ROCK1: variants seen among roughly 807,000 people sequenced by gnomAD.
ROCK1 encodes the protein rho-associated protein kinase 1.
A neutral mutation model predicts 196.8 loss-of-function variants in ROCK1; 36 were observed. The observed-to-expected ratio is 0.18, with a 90% CI of 0.14 to 0.24. The LOEUF (loss-of-function observed/expected upper bound fraction) is 0.24, where lower values mean the gene tolerates loss of function less well. Among genes scored for constraint, ROCK1 ranks in the 10% least tolerant of loss-of-function variants. The pLI is 1.00. For missense variants in ROCK1, 920 were observed against 1,562.0 expected (o/e 0.59, Z 6.93); for synonymous variants, 443 against 515.9 (o/e 0.86, Z 1.91).
rs2035414886 is a variant in ROCK1 at position 20,970,404 on chromosome 18, T to C, written c.2764A>G (p.Lys922Glu). 6.2e-7 allele frequency: 1 copy of C among 1,613,976 alleles called. No individual in the cohort carries two copies. Among genetic ancestry groups the C allele is most frequent in the African/African-American group, 1.3e-5 (1 of 75,050 alleles). Residue 922 changes from lysine (K) to glutamate (E), a missense_variant, in exon 23 of 33, where the codon AAA becomes GAA. Physicochemically the swap from Lys to Glu is moderately conservative, Grantham distance 56. This residue lies in a region of ROCK1 where 520 missense variants were observed against 657.1 expected (regional missense o/e 0.79). Transcript: ENST00000399799. The part of the protein sequence containing the change: ...QYFELTQESK[K>E]AASRNRQEIT... ...TCTTGTCTATTTCTTGAAGCAGCTT[T>C]CTTGCTTTCTTGCGTCAATTCAAAA...
chr18:21,105,702 TG>T (rs2036697542), intron 1 of ROCK1, among the ~76,000 whole-genome samples: 2 of 152,284 alleles, frequency 1.3e-5, no homozygotes, highest in Admixed American at 6.5e-5. Context: ...GGAGGAAGCT[TG>T]TTTTGGAATA....
At chr18:21,039,378 A>T in intron 9 of ROCK1, 94 bp downstream of exon 9, 1 of 819,096 alleles carries the variant, frequency 1.2e-6, no homozygotes, top group South Asian at 1.6e-5. Context: ...GATTTTCATC[A>T]GATACACACA....
At chr18:21,079,563 G>A (rs954301144) in intron 1 of ROCK1, among the ~76,000 whole-genome samples, 3 of 152,204 alleles carry the variant, frequency 2.0e-5, no homozygotes, top group Admixed American at 2.0e-4. Context: ...GGGTAAGAGT[G>A]AAGAGGGGAG....
chr18:21,014,323 G>C, intron 13 of ROCK1, among the ~76,000 whole-genome samples: 1 of 152,240 alleles, frequency 6.6e-6, no homozygotes, highest in Non-Finnish European at 1.5e-5. Context: ...TTCTCAGGAC[G>C]CAAGTAACCC....
chr18:21,071,133 G>C (rs2036380783), intron 1 of ROCK1, among the ~76,000 whole-genome samples: 1 of 150,658 alleles, frequency 6.6e-6, no homozygotes, highest in Non-Finnish European at 1.5e-5. Context: ...GCACTTTCTA[G>C]GGAAAGCTAG....
intron 4 of ROCK1, among the ~76,000 whole-genome samples, chr18:21,047,593 A>C (rs1187940498): frequency 3.3e-5 from 5 of 152,154 alleles, no homozygotes; most frequent in Admixed American, 3.3e-4. Flanking sequence ...GGAGATCGAG[A>C]CCATGCTGGC....
chr18:21,022,151 G>GC (rs951835556), intron 11 of ROCK1, among the ~76,000 whole-genome samples: 11 of 151,604 alleles, frequency 7.3e-5, no homozygotes, highest in African/African-American at 1.2e-4. Flanking sequence ...ATGTCTCTGT[G>GC]CCCCCCCACA....
At chr18:21,081,822 C>G (rs565680964) in intron 1 of ROCK1, among the ~76,000 whole-genome samples, 1 of 152,250 alleles carries the variant, frequency 6.6e-6, no homozygotes, top group Non-Finnish European at 1.5e-5. Context: ...AATGGAAAGT[C>G]AGAATACACC....
At chr18:20,970,208 T>G (rs944994849) in intron 23 of ROCK1, 140 bp downstream of exon 23, 3 of 565,392 alleles carry the variant, frequency 5.3e-6, no homozygotes, top group Non-Finnish European at 9.1e-6. Flanking sequence ...ACAAACTATT[T>G]TATACATGAG....
In ROCK1 at chr18:21,068,043, A is replaced by G. The variant is rs181315925; in HGVS notation, c.175+2489T>C. Among the ~76,000 whole-genome samples the G allele has an allele frequency of 1.2e-3, 189 of 152,310 alleles. 2 individuals are homozygous for G. The highest frequency in any genetic ancestry group is 4.6e-4 in the Non-Finnish European group (31 of 68,018). ...TGGCTTATCTTTTCATTTTCTGAAC[A>G]GTGTCTTCTGAAGAGAACTATTTTA... On this transcript the variant is annotated intron_variant, in intron 2 of 32. Coordinates refer to ENST00000399799, the MANE Select transcript of ROCK1 (RefSeq NM_005406.3).
chr18:21,009,580 T>C (rs914330866), intron 13 of ROCK1, among the ~76,000 whole-genome samples: 3 of 152,152 alleles, frequency 2.0e-5, no homozygotes, highest in African/African-American at 4.8e-5. Context: ...AAGAATACAA[T>C]TGCTAGGTCA....
At chr18:21,067,929 G>A (rs754639815) in intron 2 of ROCK1, among the ~76,000 whole-genome samples, 1 of 152,018 alleles carries the variant, frequency 6.6e-6, no homozygotes, top group Non-Finnish European at 1.5e-5. Context: ...ATTCCCTTGC[G>A]TACGGATATC....
At position 21,044,204 on chromosome 18, in the gene ROCK1, T is replaced by C. The variant is rs549416479; in HGVS notation, c.591-18A>G. On this transcript the variant is annotated intron_variant, in intron 5 of 32. Transcript: ENST00000399799. ...TCACATCTCTGCAGGAGGGAAAAAA[T>C]AGTACAGTATTTTCTGAAACAGATT... The C allele has an allele frequency of 9.5e-6, 15 of 1,571,084 alleles. No homozygotes were observed. Among genetic ancestry groups the C allele is most frequent in the Middle Eastern group, 3.4e-4 (2 of 5,958 alleles).
At chr18:21,028,558 A>G (rs1423845535) in intron 10 of ROCK1, among the ~76,000 whole-genome samples, 1 of 152,232 alleles carries the variant, frequency 6.6e-6, no homozygotes, top group African/African-American at 2.4e-5. Context: ...GATATATAGT[A>G]TATCATTTAG....
intron 1 of ROCK1, among the ~76,000 whole-genome samples, chr18:21,101,036 T>C (rs1262355170): frequency 3.3e-5 from 5 of 152,196 alleles, no homozygotes; most frequent in Non-Finnish European, 5.9e-5. Context: ...GGCATATCTA[T>C]CATAATAAGT....
chr18:21,079,175 T>A (rs1470966927), intron 1 of ROCK1, among the ~76,000 whole-genome samples: 4 of 152,150 alleles, frequency 2.6e-5, no homozygotes, highest in African/African-American at 9.7e-5. Context: ...ATCTGCTGAG[T>A]TATTGGGATC....
chr18:21,042,440 A>T, intron 7 of ROCK1, 125 bp downstream of exon 7: 1 of 1,168,786 alleles, frequency 8.6e-7, no homozygotes. Context: ...GCAGGTTTGG[A>T]TCATGTTTAT....
intron 29 of ROCK1, among the ~76,000 whole-genome samples, chr18:20,957,284 T>C (rs1267228644): frequency 6.6e-6 from 1 of 152,230 alleles, no homozygotes; most frequent in African/African-American, 2.4e-5. Context: ...ATAAACAAAT[T>C]CATGCAATGT....
At chr18:21,034,157 A>G (rs1297638591) in intron 9 of ROCK1, among the ~76,000 whole-genome samples, 1 of 152,170 alleles carries the variant, frequency 6.6e-6, no homozygotes, top group Non-Finnish European at 1.5e-5. Flanking sequence ...AGAAGGCTTA[A>G]ATAAATGGGG....
Sources: allele counts gnomAD v4.1 joint callset (sites outside exome capture counted in the v4.1 genomes callset), GRCh38; gene constraint gnomAD v4.1.1; regional missense constraint gnomAD v4.1.1; transcripts MANE v1.5; gene names NCBI Gene and HGNC (gene_info 2026-07-23, HGNC 2026-07-21).